The following DLGAP2 variants were observed in gnomAD, a reference collection of about 807,000 sequenced individuals.
The protein encoded by DLGAP2 is disks large-associated protein 2.
Under a neutral mutation model 100.3 loss-of-function variants are expected in DLGAP2, and 26 were observed. The ratio of observed to expected loss-of-function variants is 0.26; its 90% confidence interval spans 0.19 to 0.36. The LOEUF (loss-of-function observed/expected upper bound fraction) is 0.36, where lower values mean the gene tolerates loss of function less well. Ranked by LOEUF, DLGAP2 falls within the 10% of genes least tolerant of loss-of-function variation. The probability of loss-of-function intolerance (pLI) is 1.00; values close to 1 mark genes in which losing one functional copy is unlikely to be tolerated. For synonymous variants in DLGAP2, 886 were observed against 630.1 expected, an observed-to-expected ratio of 1.41 and a Z score of -6.08; for missense variants, 1,858 against 1,453.2, an observed-to-expected ratio of 1.28 and a Z score of -4.53.
At chr8:971,787 A>C (rs4735835) in intron 2 of DLGAP2, among the ~76,000 whole-genome samples, 55,762 of 152,002 alleles carry the variant, frequency 0.37, 11,692 homozygotes, top group Admixed American at 0.53. Flanking sequence ...CTTGGGTTTT[A>C]TGGGATCCTA....
intron 3 of DLGAP2, among the ~76,000 whole-genome samples, chr8:1,330,423 CGCGGGG>C (rs1801125860): frequency 7.7e-6 from 1 of 129,180 alleles, no homozygotes; most frequent in African/African-American, 2.9e-5. Context: ...AGCACCGCTT[CGCGGGG>C]ACTGAGTTCT....
chr8:961,347 G>T (rs1055846486), intron 2 of DLGAP2, among the ~76,000 whole-genome samples: 1 of 150,184 alleles, frequency 6.7e-6, no homozygotes, highest in South Asian at 2.1e-4. Context: ...TTGGATCCAA[G>T]AACCGTCCAG....
intron 3 of DLGAP2, among the ~76,000 whole-genome samples, chr8:1,286,068 G>C (rs138570711): frequency 6.6e-6 from 1 of 152,340 alleles, no homozygotes; most frequent in Non-Finnish European, 1.5e-5. Flanking sequence ...ACCTTGAGTT[G>C]TAGTAATCGC....
At chr8:978,743 C>G (rs1800240593) in intron 2 of DLGAP2, among the ~76,000 whole-genome samples, 1 of 152,098 alleles carries the variant, frequency 6.6e-6, no homozygotes, top group Admixed American at 6.5e-5. Flanking sequence ...TGTATATCAT[C>G]TGGTAAGGCA....
At chr8:1,215,948 G>A (rs976113423) in intron 2 of DLGAP2, among the ~76,000 whole-genome samples, 1 of 151,536 alleles carries the variant, frequency 6.6e-6, no homozygotes, top group Non-Finnish European at 1.5e-5. Context: ...GTTCATTTGG[G>A]TGCATCACCT....
intron 2 of DLGAP2, among the ~76,000 whole-genome samples, chr8:1,021,177 A>G (rs1801613203): frequency 6.6e-6 from 1 of 152,232 alleles, no homozygotes; most frequent in South Asian, 2.1e-4. Flanking sequence ...TAAAAGTGAT[A>G]TAGCTTAAAT....
At chr8:1,028,355 T>C (rs1241477935) in intron 2 of DLGAP2, among the ~76,000 whole-genome samples, 2 of 144,868 alleles carry the variant, frequency 1.4e-5, no homozygotes, top group Non-Finnish European at 3.0e-5. Context: ...GCGCCCGTTA[T>C]TCTCCAGGTG....
chr8:1,359,763 C>T (rs1801937191), intron 3 of DLGAP2, among the ~76,000 whole-genome samples: 1 of 152,254 alleles, frequency 6.6e-6, no homozygotes, highest in Admixed American at 6.5e-5. Context: ...GGAGGGAGGG[C>T]ATTAGTATTC....
At position 1,691,565 on chromosome 8, in the gene DLGAP2, G is replaced by T. The variant is rs753200264; in HGVS notation, c.2735G>T (p.Ser912Ile). The T allele has an allele frequency of 3.7e-6, 6 of 1,613,996 alleles. No individual in the cohort carries two copies. In the African/African-American group the frequency reaches 5.3e-5, roughly 14 times the overall value. Reference protein sequence around the residue: ...ILGKIRSAVGSAQLLMSQKFQ... With the variant: ...ILGKIRSAVGIAQLLMSQKFQ... ...GGTAAAATCAGGAGTGCTGTTGGGAGTGCCCAGCTTCTCATGTCCCAGAAA... is the reference window on the plus strand; with the variant it reads ...GGTAAAATCAGGAGTGCTGTTGGGATTGCCCAGCTTCTCATGTCCCAGAAA... The change falls in exon 13 of 15, where the codon AGT becomes ATT. Residue 912 changes from serine to isoleucine, a missense_variant. By Grantham distance (142) the Ser-to-Ile change is moderately radical. Coordinates refer to ENST00000637795, the MANE Select transcript of DLGAP2 (RefSeq NM_001346810.2).
At chr8:1,466,709 G>A (rs1256518695) in intron 3 of DLGAP2, among the ~76,000 whole-genome samples, 3 of 152,156 alleles carry the variant, frequency 2.0e-5, no homozygotes, top group Admixed American at 6.5e-5. Flanking sequence ...CAGAGGCTGT[G>A]TGTGCCATGC....
intron 3 of DLGAP2, among the ~76,000 whole-genome samples, chr8:1,363,012 C>G (rs774131221): frequency 3.9e-5 from 6 of 152,196 alleles, no homozygotes; most frequent in African/African-American, 1.4e-4. Context: ...GCCCCACCGC[C>G]GGACACAGGC....
At chr8:770,826 A>G (rs2132606459) in intron 1 of DLGAP2, among the ~76,000 whole-genome samples, 1 of 152,056 alleles carries the variant, frequency 6.6e-6, no homozygotes, top group East Asian at 1.9e-4. Context: ...ATAAGACATG[A>G]ATGACATTTA....
intron 3 of DLGAP2, among the ~76,000 whole-genome samples, chr8:1,312,120 A>G (rs189270354): frequency 1.3e-5 from 2 of 152,332 alleles, no homozygotes; most frequent in Non-Finnish European, 2.9e-5. Context: ...CCAAGCTCGC[A>G]CAGAACATTC....
intron 3 of DLGAP2, among the ~76,000 whole-genome samples, chr8:1,494,633 CAGG>C (rs1486038296): frequency 6.6e-6 from 1 of 151,998 alleles, no homozygotes; most frequent in Non-Finnish European, 1.5e-5. Flanking sequence ...GCGTCTGAGG[CAGG>C]AGAATTGCTT....
intron 14 of DLGAP2, among the ~76,000 whole-genome samples, chr8:1,700,167 G>C (rs1438146407): frequency 6.6e-6 from 1 of 152,208 alleles, no homozygotes; most frequent in Non-Finnish European, 1.5e-5. Flanking sequence ...ACAACTGCCT[G>C]TCTTCCCCCA....
At chr8:1,077,942 G>C (rs903889354) in intron 2 of DLGAP2, among the ~76,000 whole-genome samples, 2 of 152,184 alleles carry the variant, frequency 1.3e-5, no homozygotes, top group East Asian at 1.9e-4. Context: ...CCACACCACT[G>C]TCTAGTGCAT....
intron 1 of DLGAP2, among the ~76,000 whole-genome samples, chr8:810,440 T>A (rs1396707591): frequency 6.6e-6 from 1 of 152,256 alleles, no homozygotes; most frequent in Non-Finnish European, 1.5e-5. Context: ...GATATGAAGT[T>A]GTAAGTGCCT....
intron 1 of DLGAP2, among the ~76,000 whole-genome samples, chr8:787,236 C>G (rs1042814706): frequency 1.3e-5 from 2 of 152,112 alleles, no homozygotes; most frequent in African/African-American, 4.8e-5. Context: ...CTCAATCGCT[C>G]GTGTTCGAAC....
chr8:1,290,114 G>A (rs1433945075), intron 3 of DLGAP2, among the ~76,000 whole-genome samples: 2 of 152,202 alleles, frequency 1.3e-5, no homozygotes, highest in African/African-American at 4.8e-5. Context: ...TGCAGGTGCT[G>A]AGGAGAGAAG....
Sources: allele counts gnomAD v4.1 joint callset (sites outside exome capture counted in the v4.1 genomes callset), GRCh38; gene constraint gnomAD v4.1.1; transcripts MANE v1.5; gene names NCBI Gene and HGNC (gene_info 2026-07-23, HGNC 2026-07-21).